The following ATP7A variants were observed in gnomAD, a reference collection of about 807,000 sequenced individuals.
ATP7A encodes the protein ATPase copper transporting alpha.
A neutral mutation model predicts 83.5 loss-of-function variants in ATP7A; 7 were observed. That is an observed-to-expected ratio of 0.08 (90% CI 0.05 to 0.16). The LOEUF (loss-of-function observed/expected upper bound fraction) is 0.16. Ranked by LOEUF, ATP7A falls within the 10% of genes least tolerant of loss-of-function variation. The pLI, the probability that ATP7A is intolerant of heterozygous loss-of-function variation, is 1.00. For missense variants in ATP7A, 940 were observed against 1,120.8 expected (o/e 0.84, Z 2.30); for synonymous variants, 354 against 395.2 (o/e 0.90, Z 1.24).
intron 1 of ATP7A, among the ~76,000 whole-genome samples, chrX:77,967,795 G>T (rs1251033301): frequency 9.0e-6 from 1 of 111,691 alleles, no homozygotes; most frequent in Non-Finnish European, 1.9e-5. Flanking sequence ...ACCATAGACT[G>T]GGTGGTCTAA....
At chrX:78,005,991 A>C (rs1197500992) in intron 6 of ATP7A, among the ~76,000 whole-genome samples, 1 of 112,166 alleles carries the variant, frequency 8.9e-6, no homozygotes, top group Non-Finnish European at 1.9e-5. Context: ...ATGAACTGAC[A>C]GTTCACAGAA....
intron 21 of ATP7A, among the ~76,000 whole-genome samples, chrX:78,044,115 G>A (rs1459215894): frequency 9.2e-6 from 1 of 108,209 alleles, no homozygotes; most frequent in African/African-American, 3.4e-5. Context: ...TTAGCCGGGC[G>A]TGGTGGCACA....
intron 1 of ATP7A, among the ~76,000 whole-genome samples, chrX:77,920,702 C>A (rs1245863429): frequency 1.8e-5 from 2 of 111,143 alleles, no homozygotes; most frequent in Non-Finnish European, 3.8e-5. Context: ...TTTTCTTTAT[C>A]CAATCCACCA....
At chrX:78,020,701 T>C (rs2077899623) in intron 13 of ATP7A, among the ~76,000 whole-genome samples, 1 of 110,513 alleles carries the variant, frequency 9.0e-6, no homozygotes, top group Admixed American at 9.7e-5. Context: ...AATTTTTTTT[T>C]ATAGAAACAG....
At chrX:78,035,996 A>G (rs1340994584) in intron 17 of ATP7A, among the ~76,000 whole-genome samples, 2 of 112,022 alleles carry the variant, frequency 1.8e-5, no homozygotes, top group East Asian at 2.8e-4. Context: ...TTATTTGTCT[A>G]TGAACTTCTA....
At chrX:78,027,859 A>T (rs1017893884) in intron 14 of ATP7A, among the ~76,000 whole-genome samples, 6 of 111,067 alleles carry the variant, frequency 5.4e-5, no homozygotes, top group African/African-American at 2.0e-4. Context: ...TATTCAATAT[A>T]TGATATTATT....
intron 1 of ATP7A, 90 bp from the exon 2 acceptor site, chrX:77,971,531 T>G (rs2077546878): frequency 1.2e-6 from 1 of 868,232 alleles, no homozygotes; most frequent in African/African-American, 2.0e-5. Context: ...ATATATAAAA[T>G]GTAGCATATT....
Position 78,011,217 on chromosome X carries a change from A to G in ATP7A, c.1911A>G (p.Ser637=), listed in dbSNP as rs1557234420. 15 of 1,211,155 alleles carry G rather than the reference A, an allele frequency of 1.2e-5. No individual in the cohort carries two copies. The highest frequency in any genetic ancestry group is 1.7e-5 in the Non-Finnish European group (15 of 894,884). Residue 637 remains serine (S), a synonymous_variant, in exon 8 of 23, where the codon TCA becomes TCG. Coordinates refer to ENST00000341514, the MANE Select transcript of ATP7A (RefSeq NM_000052.7). ...FEASLVKKDR[S]ASHLDHKREI... is the part of the protein sequence containing the mutation. ...CTTCTTTGGTCAAGAAGGATCGGTC[A>G]GCAAGTCACTTAGATCATAAACGAG...
At chrX:78,023,181 G>A (rs782489990) in intron 14 of ATP7A, among the ~76,000 whole-genome samples, 1 of 112,093 alleles carries the variant, frequency 8.9e-6, no homozygotes, top group African/African-American at 3.2e-5. Context: ...CCTTTATCCA[G>A]TCCACCATTG....
intron 1 of ATP7A, among the ~76,000 whole-genome samples, chrX:77,966,521 G>T (rs2077506586): frequency 8.9e-6 from 1 of 112,094 alleles, no homozygotes; most frequent in Admixed American, 9.5e-5. Flanking sequence ...CTAAGTGAAA[G>T]AATCCAGACA....
chrX:78,031,701 C>CT (rs2077985065), intron 16 of ATP7A, 119 bp downstream of exon 16: 2 of 768,172 alleles, frequency 2.6e-6, no homozygotes, highest in African/African-American at 4.1e-5. Context: ...GCTAAAAAGA[C>CT]TTGTATTTTC....
At chrX:77,995,899 A>C (rs2077701123) in intron 4 of ATP7A, among the ~76,000 whole-genome samples, 1 of 110,767 alleles carries the variant, frequency 9.0e-6, no homozygotes, top group African/African-American at 3.3e-5. Flanking sequence ...TCACGCCACC[A>C]TGCCCGGCTA....
intron 1 of ATP7A, among the ~76,000 whole-genome samples, chrX:77,959,814 T>C (rs782233785): frequency 1.8e-5 from 2 of 112,282 alleles, no homozygotes; most frequent in East Asian, 5.5e-4. Flanking sequence ...CTTGTGCACA[T>C]GTGTGAGACT....
chrX:77,997,236 G>A (rs1342313376), intron 4 of ATP7A, among the ~76,000 whole-genome samples: 2 of 112,408 alleles, frequency 1.8e-5, no homozygotes, highest in Non-Finnish European at 3.8e-5. Context: ...TGGCAGCACT[G>A]CCATCAACTC....
chrX:77,986,806 G>A (rs961540893), intron 2 of ATP7A, among the ~76,000 whole-genome samples: 26 of 111,294 alleles, frequency 2.3e-4, no homozygotes, highest in African/African-American at 8.5e-4. Context: ...CCTCCCTCCT[G>A]TATCACTCCA....
chrX:78,036,837 G>A (rs1292507258), intron 17 of ATP7A, among the ~76,000 whole-genome samples: 7 of 111,750 alleles, frequency 6.3e-5, no homozygotes, highest in African/African-American at 2.0e-4. Context: ...AGGGAGATGA[G>A]TTGGTGGACA....
At chrX:77,982,630 C>T (rs2077611276) in intron 2 of ATP7A, among the ~76,000 whole-genome samples, 1 of 112,302 alleles carries the variant, frequency 8.9e-6, no homozygotes, top group South Asian at 3.6e-4. Flanking sequence ...TATTTATAAG[C>T]CATAAATTGC....
chrX:77,995,086 C>A (rs782647779), intron 4 of ATP7A, among the ~76,000 whole-genome samples: 1 of 111,582 alleles, frequency 9.0e-6, no homozygotes, highest in Admixed American at 9.6e-5. Flanking sequence ...TGACTGCATT[C>A]TGTGATTCTG....
intron 17 of ATP7A, among the ~76,000 whole-genome samples, chrX:78,034,746 CT>C (rs781904882): frequency 9.2e-4 from 92 of 100,101 alleles, no homozygotes; most frequent in Middle Eastern, 5.0e-3. Flanking sequence ...CTGGCTGTTC[CT>C]TTTTTTTTTT....
Sources: allele counts gnomAD v4.1 joint callset (sites outside exome capture counted in the v4.1 genomes callset), GRCh38; gene constraint gnomAD v4.1.1; transcripts MANE v1.5; gene names NCBI Gene and HGNC (gene_info 2026-07-23, HGNC 2026-07-21).